The following MTA3 variants were observed in gnomAD, a reference collection of about 807,000 sequenced individuals.
MTA3 encodes metastasis associated 1 family member 3, also known as metastasis-associated protein MTA3.
Under a neutral mutation model 83.5 loss-of-function variants are expected in MTA3, and 34 were observed. The observed-to-expected ratio is 0.41, with a 90% CI of 0.31 to 0.54. The LOEUF (loss-of-function observed/expected upper bound fraction) is 0.54. Ranked by LOEUF, MTA3 falls within the 20% of genes least tolerant of loss-of-function variation. The pLI, the probability that MTA3 is intolerant of heterozygous loss-of-function variation, is 0.33. For synonymous variants in MTA3, 303 were observed against 252.7 expected (o/e 1.20, Z -1.89); for missense variants, 761 against 726.4 (o/e 1.05, Z -0.55).
intron 2 of MTA3, among the ~76,000 whole-genome samples, chr2:42,499,961 G>GAAA (rs929451419): frequency 1.4e-5 from 2 of 138,196 alleles, no homozygotes; most frequent in African/African-American, 5.3e-5. Context: ...TTTCTTTTTT[G>GAAA]AAAAAAAAAA....
chr2:42,529,124 T>C (rs932699490), intron 2 of MTA3, among the ~76,000 whole-genome samples: 1 of 152,186 alleles, frequency 6.6e-6, no homozygotes, highest in Non-Finnish European at 1.5e-5. Flanking sequence ...GTTTTTTTGT[T>C]TGTTTGTTTT....
At chr2:42,522,806 CTTT>C (rs1173170546) in intron 2 of MTA3, among the ~76,000 whole-genome samples, 19 of 116,150 alleles carry the variant, frequency 1.6e-4, no homozygotes, top group Admixed American at 1.8e-4. Context: ...AACATGTGGT[CTTT>C]TTTTTTTTTT....
At chr2:42,607,393 A>C (rs935054252) in intron 3 of MTA3, among the ~76,000 whole-genome samples, 4 of 152,036 alleles carry the variant, frequency 2.6e-5, no homozygotes, top group African/African-American at 9.7e-5. Context: ...TTATTTATTT[A>C]TTTCGACATA....
At chr2:42,506,896 C>A (rs1277031864) in intron 2 of MTA3, among the ~76,000 whole-genome samples, 1 of 151,378 alleles carries the variant, frequency 6.6e-6, no homozygotes, top group Admixed American at 6.6e-5. Flanking sequence ...TGTGAGCCAC[C>A]GCGCCTGGCC....
At chr2:42,644,997 T>G (rs1573451938) in intron 6 of MTA3, among the ~76,000 whole-genome samples, 1 of 152,086 alleles carries the variant, frequency 6.6e-6, no homozygotes, top group East Asian at 1.9e-4. Context: ...TGTCTCTCAC[T>G]TTAAATCATA....
chr2:42,548,889 ATATC>A (rs1234326039), intron 2 of MTA3, among the ~76,000 whole-genome samples: 16 of 92,432 alleles, frequency 1.7e-4, no homozygotes, highest in Non-Finnish European at 3.0e-4. Context: ...ATATATATAT[ATATC>A]AGCGGGCACG....
intron 11 of MTA3, among the ~76,000 whole-genome samples, chr2:42,701,687 G>T (rs1458599022): frequency 6.6e-6 from 1 of 152,126 alleles, no homozygotes; most frequent in Non-Finnish European, 1.5e-5. Context: ...AGGCCGAGGT[G>T]GGTGGATCAC....
chr2:42,670,873 T>C (rs1690730285), intron 8 of MTA3, among the ~76,000 whole-genome samples: 1 of 152,062 alleles, frequency 6.6e-6, no homozygotes, highest in Non-Finnish European at 1.5e-5. Flanking sequence ...CATATATTAG[T>C]TCAGTATAAT....
chr2:42,606,237 G>T (rs989796106), intron 3 of MTA3, among the ~76,000 whole-genome samples: 4 of 147,056 alleles, frequency 2.7e-5, no homozygotes, highest in Non-Finnish European at 3.0e-5. Context: ...GTGGCTGCCG[G>T]GCGGAGACTC....
intron 14 of MTA3, among the ~76,000 whole-genome samples, chr2:42,715,506 G>A (rs752833796): frequency 4.8e-4 from 71 of 147,930 alleles, no homozygotes; most frequent in Non-Finnish European, 9.2e-4. Context: ...TCTAACTCAA[G>A]GGATCCTCCC....
rs1689158416 is a variant in MTA3 at position 42,656,185 on chromosome 2, T to C, written c.500-15T>C. 6.3e-7 allele frequency: 1 copy of C among 1,597,096 alleles called. No homozygotes were observed. Among genetic ancestry groups the C allele is most frequent in the Non-Finnish European group, 8.6e-7 (1 of 1,165,116 alleles). On this transcript the variant is annotated splice_polypyrimidine_tract_variant and intron_variant, in intron 6 of 16. Coordinates refer to ENST00000405094, the MANE Select transcript of MTA3 (RefSeq NM_001330442.2). ...TTGTCAGTAACAAGACTCCATTTTA[T>C]TTATTTTTGGACAGGAGAATCAGAT... is the stretch of plus-strand genomic sequence containing the variant.
At chr2:42,698,046 A>C (rs995116658) in intron 11 of MTA3, among the ~76,000 whole-genome samples, 1 of 152,212 alleles carries the variant, frequency 6.6e-6, no homozygotes, top group African/African-American at 2.4e-5. Context: ...GAAGAAATGT[A>C]CTATGTACTA....
chr2:42,721,896 A>G (rs1047889901), intron 15 of MTA3, among the ~76,000 whole-genome samples: 5 of 151,762 alleles, frequency 3.3e-5, no homozygotes, highest in Non-Finnish European at 7.4e-5. Flanking sequence ...CATGTTGGAG[A>G]AAAAAAAATC....
intron 2 of MTA3, among the ~76,000 whole-genome samples, chr2:42,514,225 C>T (rs975276176): frequency 6.6e-6 from 1 of 151,778 alleles, no homozygotes. Context: ...AAAAAAACAA[C>T]GAGAAAAGAA....
At chr2:42,638,827 A>G (rs760225787) in intron 4 of MTA3, among the ~76,000 whole-genome samples, 29 of 151,846 alleles carry the variant, frequency 1.9e-4, no homozygotes, top group Non-Finnish European at 3.2e-4. Context: ...GAAATACCAC[A>G]TGCTCTCAAA....
chr2:42,568,801 GT>G, intron 1 of MTA3, 28 bp downstream of exon 1: 2 of 1,215,166 alleles, frequency 1.6e-6, no homozygotes, highest in Non-Finnish European at 2.0e-6. Context: ...GACCCGGCCC[GT>G]GTGGGAGCGG....
At chr2:42,699,688 T>C (rs1693693340) in intron 11 of MTA3, among the ~76,000 whole-genome samples, 1 of 152,096 alleles carries the variant, frequency 6.6e-6, no homozygotes, top group Admixed American at 6.6e-5. Flanking sequence ...TGAAGTGGGT[T>C]GTCATGCTAT....
At chr2:42,555,144 T>C (rs1341796021) in intron 2 of MTA3, among the ~76,000 whole-genome samples, 1 of 147,612 alleles carries the variant, frequency 6.8e-6, no homozygotes, top group African/African-American at 2.5e-5. Flanking sequence ...ACAACTAACA[T>C]AGGAAAATGC....
chr2:42,566,557 C>A (rs981866711), upstream of MTA3, among the ~76,000 whole-genome samples: 1 of 152,118 alleles, frequency 6.6e-6, no homozygotes, highest in African/African-American at 2.4e-5. Context: ...GTCTTTGAGG[C>A]CTTTCATGGG....
Sources: gnomAD v4.1 joint callset for allele counts (sites outside exome capture counted in the v4.1 genomes callset) on GRCh38, gnomAD v4.1.1 for gene constraint, MANE v1.5 for transcripts, NCBI Gene and HGNC (gene_info 2026-07-23, HGNC 2026-07-21) for gene names.